SS18L1: variants seen among roughly 807,000 people sequenced by gnomAD.
The protein encoded by SS18L1 is calcium-responsive transactivator.
In SS18L1, 32 loss-of-function variants were observed where a neutral mutation model predicts 70.3. The observed-to-expected ratio is 0.46, with a 90% CI of 0.34 to 0.61. The LOEUF (loss-of-function observed/expected upper bound fraction) is 0.61, where lower values mean the gene tolerates loss of function less well. SS18L1 is among the 20% of genes least tolerant of loss of function. The pLI, the probability that SS18L1 is intolerant of heterozygous loss-of-function variation, is 0.01. For synonymous variants in SS18L1, 237 were observed against 229.7 expected, an observed-to-expected ratio of 1.03 and a Z score of -0.29; for missense variants, 430 against 542.1, an observed-to-expected ratio of 0.79 and a Z score of 2.05.
chr20:62,168,109 C>T (rs2057467823), intron 8 of SS18L1, among the ~76,000 whole-genome samples: 2 of 151,620 alleles, frequency 1.3e-5, no homozygotes, highest in Admixed American at 6.6e-5. Flanking sequence ...CAGGTGTGCG[C>T]CATTGTGCCT....
intron 10 of SS18L1, chr20:62,175,409 C>T (rs2057604103): frequency 1.0e-6 from 1 of 985,210 alleles, no homozygotes; most frequent in African/African-American, 1.7e-5. Flanking sequence ...GGGAGCACTG[C>T]AGGAGCGAGG....
Position 62,182,389 on chromosome 20 carries a change from CATCCTT to C in SS18L1, c.*3185_*3190del, listed in dbSNP as rs17526396. The C allele has an allele frequency of 0.073, 14,609 of 200,948 alleles. 641 individuals carry two copies. The highest frequency in any genetic ancestry group is 0.2 in the South Asian group (1,040 of 5,252). 12.4% of individuals were successfully genotyped at this position (200,948 alleles called of 1,614,324 possible). A position where few individuals can be genotyped will look rare whatever the true frequency, so the allele number is the denominator to read the frequency against. Reference sequence around the variant, plus strand: ...TTGTGAGTACAGTACATTTAAAAAACATCCTTATCGGTTATTTTTTTTTCAGTCGGA... The same window carrying C: ...TTGTGAGTACAGTACATTTAAAAAACATCGGTTATTTTTTTTTCAGTCGGA... On this transcript the variant is annotated 3_prime_UTR_variant, in exon 11 of 11. Transcript: ENST00000331758.
At chr20:62,157,643 G>A (rs1186345903) in intron 1 of SS18L1, among the ~76,000 whole-genome samples, 1 of 152,214 alleles carries the variant, frequency 6.6e-6, no homozygotes, top group Non-Finnish European at 1.5e-5. Flanking sequence ...ACTTGAAACT[G>A]GTTTAATCTG....
At chr20:62,165,241 A>C (rs960924135) in intron 7 of SS18L1, among the ~76,000 whole-genome samples, 181 bp from the exon 8 acceptor site, 1 of 152,106 alleles carries the variant, frequency 6.6e-6, no homozygotes, top group Non-Finnish European at 1.5e-5. Flanking sequence ...TGATGTCTGC[A>C]TTTCAGTGGG....
chr20:62,161,698 T>C lies in SS18L1; in HGVS notation c.376+118T>C. 1 of 1,409,120 alleles carries C rather than the reference T, an allele frequency of 7.1e-7. No individual in the cohort carries two copies. The highest frequency in any genetic ancestry group is 1.4e-5 in the South Asian group (1 of 69,638). 87.3% of individuals were successfully genotyped at this position (1,409,120 alleles called of 1,614,324 possible). A position where few individuals can be genotyped will look rare whatever the true frequency, so the allele number is the denominator to read the frequency against. ...TCACAGGGCTGGGCATGGGACCCAC[T>C]CCTCCTGGGGTAGCCACAGGTCGGC... is the stretch of plus-strand genomic sequence containing the variant. On this transcript the variant is annotated intron_variant, in intron 4 of 10. Transcript: ENST00000331758. The surrounding 1 kb of genome is among the most constrained non-coding windows in gnomAD (Gnocchi z 4.4).
rs188892137 is a variant in SS18L1 at position 62,163,341 on chromosome 20, T to C, written c.557-117T>C. 75 of 1,463,706 alleles carry C rather than the reference T, an allele frequency of 5.1e-5. No individual in the cohort carries two copies. In the East Asian group the frequency reaches 1.8e-3, roughly 35 times the overall value. 90.7% of individuals were successfully genotyped at this position (1,463,706 alleles called of 1,614,324 possible). On this transcript the variant is annotated intron_variant, in intron 5 of 10. Coordinates refer to ENST00000331758, the MANE Select transcript of SS18L1 (RefSeq NM_198935.3). ...TGCCTTGCGGTGGAGGACGCTGTCC[T>C]CGTGGGGAGCACAGGAAAATAACGA...
intron 8 of SS18L1, among the ~76,000 whole-genome samples, chr20:62,172,096 G>A (rs867085946): frequency 2.6e-5 from 4 of 151,740 alleles, no homozygotes; most frequent in African/African-American, 4.9e-5. Context: ...CGGGTGGGGC[G>A]GAGCTTGCAC....
chr20:62,145,564 G>T (rs1251318140), intron 1 of SS18L1, among the ~76,000 whole-genome samples: 1 of 152,194 alleles, frequency 6.6e-6, no homozygotes. Context: ...TTTGCACTTC[G>T]CACACAGTTC....
chr20:62,171,349 C>G (rs971935243), intron 8 of SS18L1, among the ~76,000 whole-genome samples: 1 of 152,194 alleles, frequency 6.6e-6, no homozygotes, highest in Non-Finnish European at 1.5e-5. Context: ...AGGATAGTGA[C>G]CTTAAGTCTT....
intron 1 of SS18L1, among the ~76,000 whole-genome samples, chr20:62,144,729 C>T (rs563208608): frequency 2.3e-4 from 35 of 152,330 alleles, no homozygotes; most frequent in African/African-American, 8.4e-4. Context: ...GAAATTGAGA[C>T]TTTGTATTTT....
intron 9 of SS18L1, among the ~76,000 whole-genome samples, chr20:62,173,656 C>T (rs1333495420): frequency 3.3e-5 from 5 of 151,064 alleles, no homozygotes; most frequent in African/African-American, 4.9e-5. Context: ...CGCAGTGAGC[C>T]GAGATCACAC....
In SS18L1 at chr20:62,182,115, TCTC is replaced by T. The variant is rs2057720242; in HGVS notation, c.*2910_*2912del. 8.8e-6 allele frequency: 2 copies of T among 227,574 alleles called. No individual in the cohort carries two copies. The highest frequency in any genetic ancestry group is 1.7e-5 in the Non-Finnish European group (2 of 114,584). The allele number at this position is 227,574 out of a possible 1,614,324, so 14.1% of individuals were successfully genotyped here. On this transcript the variant is annotated 3_prime_UTR_variant, in exon 11 of 11. Coordinates refer to ENST00000331758, the MANE Select transcript of SS18L1 (RefSeq NM_198935.3). ...TATGATGGGATTAAGGTGGACAAGA[TCTC>T]CTAAGATCTGTGAATGGGATTAAGG...
intron 7 of SS18L1, among the ~76,000 whole-genome samples, chr20:62,164,498 C>T (rs910964868): frequency 5.3e-5 from 8 of 152,224 alleles, no homozygotes; most frequent in Non-Finnish European, 1.0e-4. Context: ...GGCCTCCACG[C>T]GGCCTTGCCT....
chr20:62,160,023 C>G, intron 3 of SS18L1, 62 bp downstream of exon 3: 1 of 1,498,564 alleles, frequency 6.7e-7, no homozygotes, highest in African/African-American at 1.4e-5. Context: ...TGCCTAAGAT[C>G]GGAATTGTGG....
At chr20:62,166,004 G>A (rs918054903) in intron 8 of SS18L1, among the ~76,000 whole-genome samples, 2 of 152,180 alleles carry the variant, frequency 1.3e-5, no homozygotes, top group African/African-American at 4.8e-5. Flanking sequence ...GGGGCTTGCC[G>A]CCCTTCATGG....
chr20:62,151,701 C>T (rs553573080), intron 1 of SS18L1, among the ~76,000 whole-genome samples: 4 of 152,216 alleles, frequency 2.6e-5, no homozygotes, highest in African/African-American at 4.8e-5. Context: ...TGCACCCAGC[C>T]GCGTTGGGAT....
chr20:62,170,162 C>G (rs1245999494), intron 8 of SS18L1, among the ~76,000 whole-genome samples: 2 of 152,238 alleles, frequency 1.3e-5, no homozygotes, highest in African/African-American at 4.8e-5. Flanking sequence ...ATGCGCCATG[C>G]TGCCCGGCAC....
chr20:62,153,581 T>A (rs2057172348), intron 1 of SS18L1, among the ~76,000 whole-genome samples: 1 of 152,144 alleles, frequency 6.6e-6, no homozygotes, highest in Non-Finnish European at 1.5e-5. Context: ...GACGTGGTGA[T>A]GATAAACACC....
In SS18L1 at chr20:62,162,859, G is replaced by A. The variant is rs370371544; in HGVS notation, c.484G>A (p.Val162Ile). Reference protein sequence around the residue: ...YSHAGPASQGVPMQGQGTIGN... With the variant: ...YSHAGPASQGIPMQGQGTIGN... ...CCACGCGGGACCCGCCTCGCAGGGC[G>A]TCCCCATGCAGGGGCAAGGCACCAT... is the stretch of plus-strand genomic sequence containing the variant. The change falls in exon 5 of 11, where the codon GTC becomes ATC. Residue 162 changes from valine (V) to isoleucine (I), a missense_variant. Transcript: ENST00000331758. 3.7e-6 allele frequency: 6 copies of A among 1,612,800 alleles called. No individual in the cohort carries two copies. Among genetic ancestry groups the A allele is most frequent in the East Asian group, 2.2e-5 (1 of 44,882 alleles).
Sources: allele counts gnomAD v4.1 joint callset (sites outside exome capture counted in the v4.1 genomes callset), GRCh38; gene constraint gnomAD v4.1.1; non-coding constraint Gnocchi (gnomAD v3.1); transcripts MANE v1.5; gene names NCBI Gene and HGNC (gene_info 2026-07-23, HGNC 2026-07-21).